The following WASF2 variants were observed in gnomAD, a reference collection of about 807,000 sequenced individuals.
The protein encoded by WASF2 is actin-binding protein WASF2.
A neutral mutation model predicts 45.0 loss-of-function variants in WASF2; 14 were observed. The ratio of observed to expected loss-of-function variants is 0.31; its 90% CI spans 0.21 to 0.49. The LOEUF (loss-of-function observed/expected upper bound fraction) is 0.49, where lower values mean the gene tolerates loss of function less well. Among genes scored for constraint, WASF2 ranks in the 20% least tolerant of loss-of-function variants. The pLI, the probability that WASF2 is intolerant of heterozygous loss-of-function variation, is 0.99. For synonymous variants in WASF2, 200 were observed against 236.3 expected, an observed-to-expected ratio of 0.85 and a Z score of 1.41; for missense variants, 439 against 636.1, an observed-to-expected ratio of 0.69 and a Z score of 3.33.
At chr1:27,477,229 G>T (rs944630367) in intron 1 of WASF2, among the ~76,000 whole-genome samples, 1 of 152,182 alleles carries the variant, frequency 6.6e-6, no homozygotes, top group Non-Finnish European at 1.5e-5. Context: ...TTCTATATGA[G>T]TACAGATTTT....
intron 5 of WASF2, 115 bp from the exon 6 acceptor site, chr1:27,415,078 A>G (rs2016809993): frequency 7.5e-7 from 1 of 1,326,120 alleles, no homozygotes; most frequent in Non-Finnish European, 1.0e-6. Context: ...GACAACATAC[A>G]ATAACTACAG....
intron 1 of WASF2, among the ~76,000 whole-genome samples, chr1:27,489,252 G>GCA (rs60315426): frequency 0.15 from 11,674 of 80,204 alleles, 1,130 homozygotes; most frequent in Admixed American, 0.2. Context: ...CTGTACGCGC[G>GCA]CACACACACA....
intron 1 of WASF2, among the ~76,000 whole-genome samples, chr1:27,474,572 C>A (rs756963420): frequency 1.3e-5 from 2 of 151,492 alleles, no homozygotes; most frequent in African/African-American, 2.4e-5. Flanking sequence ...AAGATCGAGA[C>A]CATCCTGGCC....
intron 1 of WASF2, among the ~76,000 whole-genome samples, chr1:27,482,412 A>G (rs1465321294): frequency 6.6e-6 from 1 of 152,234 alleles, no homozygotes; most frequent in African/African-American, 2.4e-5. Flanking sequence ...CATCTTAGCC[A>G]TGAAGCTCAA....
intron 1 of WASF2, among the ~76,000 whole-genome samples, chr1:27,442,035 G>T (rs2017244391): frequency 6.6e-6 from 1 of 151,656 alleles, no homozygotes; most frequent in African/African-American, 2.4e-5. Flanking sequence ...AAGCCTAGGA[G>T]TTTGAGTCTG....
At chr1:27,455,723 T>C (rs2017458062) in intron 1 of WASF2, among the ~76,000 whole-genome samples, 1 of 152,200 alleles carries the variant, frequency 6.6e-6, no homozygotes, top group Non-Finnish European at 1.5e-5. Flanking sequence ...CTTCTTAGAA[T>C]GTGATTAACG....
chr1:27,450,596 G>A (rs1395784212), intron 1 of WASF2, among the ~76,000 whole-genome samples: 1 of 152,086 alleles, frequency 6.6e-6, no homozygotes, highest in Non-Finnish European at 1.5e-5. Context: ...TGCCTCCCGG[G>A]TTCAAGCGAT....
At chr1:27,412,022 C>T (rs1315909634) in intron 7 of WASF2, among the ~76,000 whole-genome samples, 1 of 152,158 alleles carries the variant, frequency 6.6e-6, no homozygotes, top group Non-Finnish European at 1.5e-5. Flanking sequence ...TGGCTGTGAC[C>T]TTTGGGTCAT....
intron 7 of WASF2, among the ~76,000 whole-genome samples, chr1:27,411,624 G>A (rs1402634359): frequency 1.3e-5 from 2 of 152,228 alleles, no homozygotes; most frequent in Non-Finnish European, 2.9e-5. Flanking sequence ...AGCACTTTGG[G>A]AGGCCGAGGT....
chr1:27,461,723 C>G (rs1006321460), intron 1 of WASF2, among the ~76,000 whole-genome samples: 11 of 152,102 alleles, frequency 7.2e-5, no homozygotes, highest in Non-Finnish European at 1.3e-4. Context: ...ATCCACCCGC[C>G]TCGGCCTCCC....
At chr1:27,474,538 G>A (rs570294512) in intron 1 of WASF2, among the ~76,000 whole-genome samples, 1 of 152,156 alleles carries the variant, frequency 6.6e-6, no homozygotes, top group African/African-American at 2.4e-5. Flanking sequence ...TTGGGAGGCT[G>A]AGGTGGGCGG....
At chr1:27,418,568 G>T in intron 3 of WASF2, 146 bp from the exon 4 acceptor site, 2 of 1,146,014 alleles carry the variant, frequency 1.7e-6, no homozygotes, top group Non-Finnish European at 2.5e-6. Flanking sequence ...CCCCTCTGGG[G>T]AAGCCCCACA....
intron 1 of WASF2, among the ~76,000 whole-genome samples, chr1:27,487,681 T>C (rs191114919): frequency 0.014 from 1,565 of 110,392 alleles, 44 homozygotes; most frequent in African/African-American, 0.052. Flanking sequence ...ATATTTTATA[T>C]AATATATAAT....
intron 1 of WASF2, among the ~76,000 whole-genome samples, chr1:27,483,496 C>T (rs537129371): frequency 1.3e-5 from 2 of 152,070 alleles, no homozygotes; most frequent in East Asian, 1.9e-4. Flanking sequence ...ATTAGCCAGG[C>T]ATGGTGGCAC....
At chr1:27,431,644 G>A (rs894445563) in intron 1 of WASF2, among the ~76,000 whole-genome samples, 3 of 152,154 alleles carry the variant, frequency 2.0e-5, no homozygotes, top group Non-Finnish European at 4.4e-5. Flanking sequence ...CAATGACAGG[G>A]CATTCTGGAC....
intron 1 of WASF2, among the ~76,000 whole-genome samples, chr1:27,483,152 T>TG (rs1445349193): frequency 6.6e-5 from 10 of 152,070 alleles, no homozygotes; most frequent in African/African-American, 2.4e-4. Flanking sequence ...CTGGCCAACA[T>TG]GGTGAAACCC....
At chr1:27,476,892 T>C (rs2017773457) in intron 1 of WASF2, among the ~76,000 whole-genome samples, 1 of 152,188 alleles carries the variant, frequency 6.6e-6, no homozygotes, top group South Asian at 2.1e-4. Flanking sequence ...AGCTTCCATG[T>C]AGACAAAAAT....
At chr1:27,479,114 G>A (rs375267791) in intron 1 of WASF2, among the ~76,000 whole-genome samples, 3 of 151,640 alleles carry the variant, frequency 2.0e-5, no homozygotes, top group African/African-American at 7.3e-5. Context: ...GTGAAACCCC[G>A]TCTCTACTAA....
At chr1:27,417,491 C>G (rs934962750) in intron 4 of WASF2, among the ~76,000 whole-genome samples, 1 of 152,210 alleles carries the variant, frequency 6.6e-6, no homozygotes, top group Non-Finnish European at 1.5e-5. Flanking sequence ...GCAGTGTACA[C>G]ATGTCTGATA....
Sources: allele counts gnomAD v4.1 joint callset (sites outside exome capture counted in the v4.1 genomes callset), GRCh38; gene constraint gnomAD v4.1.1; transcripts MANE v1.5; gene names NCBI Gene and HGNC (gene_info 2026-07-23, HGNC 2026-07-21).